APBB2: variants seen among roughly 807,000 people sequenced by gnomAD.
APBB2 encodes amyloid beta precursor protein binding family B member 2.
Under a neutral mutation model 82.5 loss-of-function variants are expected in APBB2, and 38 were observed. That is an observed-to-expected ratio of 0.46 (90% CI 0.36 to 0.60). APBB2 has a LOEUF of 0.60. Among genes scored for constraint, APBB2 ranks in the 20% least tolerant of loss-of-function variants. APBB2 has a pLI of 0.00. For synonymous variants in APBB2, 341 were observed against 368.2 expected (o/e 0.93, Z 0.85); for missense variants, 772 against 972.3 (o/e 0.79, Z 2.74).
rs566235618 is a variant in APBB2, at chr4:41,152,393, G to A, written c.-416-9251C>T. 1.7e-4 allele frequency among the ~76,000 whole-genome samples: 26 copies of A among 150,602 alleles called. No homozygotes were observed. In the East Asian group the frequency reaches 3.7e-3, roughly 21 times the overall value. ...GCTGGAGTACAGGGGCGCAATCTCC[G>A]CTCACTACAAGCTCCGCCTCCTGCG... is the stretch of plus-strand genomic sequence containing the variant. On this transcript the variant is annotated intron_variant, in intron 1 of 17. Transcript: ENST00000508593.
At chr4:40,893,110 G>T in intron 11 of APBB2, 155 bp downstream of exon 11, 2 of 821,672 alleles carry the variant, frequency 2.4e-6, no homozygotes, top group East Asian at 2.8e-5. Context: ...TCAGTCACAC[G>T]GGGGTACCAT....
intron 6 of APBB2, among the ~76,000 whole-genome samples, chr4:41,003,621 C>T (rs540249687): frequency 3.3e-5 from 5 of 152,318 alleles, no homozygotes; most frequent in Non-Finnish European, 7.4e-5. Context: ...AGGAATGTCA[C>T]ACATTTCTGG....
intron 13 of APBB2, among the ~76,000 whole-genome samples, chr4:40,829,381 T>G (rs538805734): frequency 9.9e-5 from 15 of 152,222 alleles, no homozygotes; most frequent in Non-Finnish European, 2.2e-4. Context: ...GTGGTGGATC[T>G]GGAGAGGGAG....
intron 6 of APBB2, among the ~76,000 whole-genome samples, chr4:41,003,348 C>T (rs906239815): frequency 1.1e-4 from 16 of 152,276 alleles, no homozygotes; most frequent in East Asian, 5.8e-4. Context: ...ATATAATTCT[C>T]GCAAACATTC....
chr4:41,077,158 C>G (rs905387853), intron 3 of APBB2, among the ~76,000 whole-genome samples: 1 of 149,890 alleles, frequency 6.7e-6, no homozygotes, highest in African/African-American at 2.5e-5. Flanking sequence ...GCGCATACCA[C>G]CACACCCAGC....
chr4:40,908,071 A>ATG (rs1031515930), intron 10 of APBB2, among the ~76,000 whole-genome samples: 2 of 150,338 alleles, frequency 1.3e-5, no homozygotes, highest in Admixed American at 6.6e-5. Flanking sequence ...TGTGTGGCAT[A>ATG]TGTGTGTGTG....
chr4:41,209,928 T>C (rs1052988574), intron 1 of APBB2, among the ~76,000 whole-genome samples: 2 of 152,192 alleles, frequency 1.3e-5, no homozygotes, highest in African/African-American at 4.8e-5. Context: ...ACAGCGTTCA[T>C]GGAAGACAAT....
At chr4:40,848,795 T>G (rs573075326) in intron 12 of APBB2, 2 of 946,690 alleles carry the variant, frequency 2.1e-6, no homozygotes, top group South Asian at 9.7e-5. Context: ...TGCCTGGGCT[T>G]GCTGATCGGC....
At chr4:41,041,110 G>C (rs942336872) in intron 4 of APBB2, among the ~76,000 whole-genome samples, 6 of 152,132 alleles carry the variant, frequency 3.9e-5, no homozygotes, top group African/African-American at 1.4e-4. Context: ...TCGATCTCCT[G>C]ATCTTGTGAT....
chr4:41,178,802 T>A (rs1580658135), intron 1 of APBB2, among the ~76,000 whole-genome samples: 1 of 152,194 alleles, frequency 6.6e-6, no homozygotes, highest in Non-Finnish European at 1.5e-5. Context: ...AAGACCCAAG[T>A]GTGTTAACTC....
intron 6 of APBB2, among the ~76,000 whole-genome samples, chr4:40,954,830 A>AT (rs1340926127): frequency 6.6e-6 from 1 of 151,936 alleles, no homozygotes; most frequent in Non-Finnish European, 1.5e-5. Flanking sequence ...CACCCGGGTA[A>AT]TTTTTTGTAT....
chr4:40,926,064 G>A (rs763790116), intron 10 of APBB2, among the ~76,000 whole-genome samples: 5 of 152,272 alleles, frequency 3.3e-5, no homozygotes, highest in African/African-American at 9.6e-5. Context: ...GAGCAGCTGC[G>A]AACTGGTTGC....
chr4:41,031,018 A>G (rs770450562), intron 5 of APBB2, among the ~76,000 whole-genome samples: 6 of 152,276 alleles, frequency 3.9e-5, no homozygotes, highest in Non-Finnish European at 7.4e-5. Context: ...TGAGGCCAGG[A>G]GTTCAAGACC....
At chr4:40,915,412 G>A (rs1267923701) in intron 10 of APBB2, among the ~76,000 whole-genome samples, 2 of 152,100 alleles carry the variant, frequency 1.3e-5, no homozygotes, top group African/African-American at 2.4e-5. Flanking sequence ...CAGGGACTTG[G>A]TCTGCAGTAT....
At chr4:40,900,201 C>T (rs561042090) in intron 10 of APBB2, among the ~76,000 whole-genome samples, 1 of 152,202 alleles carries the variant, frequency 6.6e-6, no homozygotes, top group Non-Finnish European at 1.5e-5. Flanking sequence ...AATTATCCTG[C>T]AGCACAATAA....
At chr4:40,834,826 A>G (rs1476428662) in intron 12 of APBB2, among the ~76,000 whole-genome samples, 1 of 152,128 alleles carries the variant, frequency 6.6e-6, no homozygotes, top group African/African-American at 2.4e-5. Context: ...CAACACTGGG[A>G]TTTGACATTT....
intron 12 of APBB2, among the ~76,000 whole-genome samples, chr4:40,868,482 C>T (rs953824466): frequency 2.6e-5 from 4 of 152,192 alleles, no homozygotes; most frequent in Non-Finnish European, 5.9e-5. Flanking sequence ...GAACCATTAG[C>T]AATCTCAGCT....
intron 1 of APBB2, among the ~76,000 whole-genome samples, chr4:41,174,157 C>T (rs998843037): frequency 1.3e-5 from 2 of 152,112 alleles, no homozygotes; most frequent in South Asian, 4.1e-4. Context: ...TTTTCCTGGG[C>T]CCAGGCAATA....
rs146307066 is a variant in APBB2 at position 41,157,489 on chromosome 4, C to T, written c.-416-14347G>A. Among the ~76,000 whole-genome samples the T allele has an allele frequency of 2.8e-3, 425 of 152,266 alleles. 2 individuals are homozygous for T. Among genetic ancestry groups the T allele is most frequent in the African/African-American group, 9.8e-3 (408 of 41,552 alleles). On this transcript the variant is annotated intron_variant, in intron 1 of 17. Transcript: ENST00000508593. The stretch of plus-strand genomic sequence containing the variant: ...AGCAAGCTAATCCCAAACGCTCTAC[C>T]GATAGGTGGGAGAGTGGAATGAGCA...
Sources: allele counts gnomAD v4.1 joint callset (sites outside exome capture counted in the v4.1 genomes callset), GRCh38; gene constraint gnomAD v4.1.1; transcripts MANE v1.5; gene names NCBI Gene and HGNC (gene_info 2026-07-23, HGNC 2026-07-21).